ARID2: variants seen among roughly 807,000 people sequenced by gnomAD.
The protein encoded by ARID2 is AT-rich interaction domain 2, also known as AT-rich interactive domain-containing protein 2.
A neutral mutation model predicts 184.6 loss-of-function variants in ARID2; 32 were observed. The observed-to-expected ratio is 0.17, with a 90% CI of 0.13 to 0.23. The LOEUF is 0.23. Among genes scored for constraint, ARID2 ranks in the 10% least tolerant of loss-of-function variants. The probability of loss-of-function intolerance (pLI) is 1.00; values close to 1 mark genes in which losing one functional copy is unlikely to be tolerated. For missense variants in ARID2, 1,696 were observed against 2,197.6 expected, an observed-to-expected ratio of 0.77 and a Z score of 4.56; for synonymous variants, 836 against 772.6, an observed-to-expected ratio of 1.08 and a Z score of -1.36.
chr12:45,857,059 C>G (rs1294229226), intron 15 of ARID2, among the ~76,000 whole-genome samples: 1 of 151,978 alleles, frequency 6.6e-6, no homozygotes. Context: ...TAACATAAGA[C>G]TTGGTTTTTT....
At chr12:45,814,936 A>G (rs1459210531) in intron 4 of ARID2, among the ~76,000 whole-genome samples, 1 of 152,212 alleles carries the variant, frequency 6.6e-6, no homozygotes, top group Admixed American at 6.5e-5. Flanking sequence ...TGATCCTAAA[A>G]TCATCACTTT....
chr12:45,901,154 ATTTTTTTTTTTTTTTTTT>A (rs71067909), intron 20 of ARID2, among the ~76,000 whole-genome samples: 10 of 44,966 alleles, frequency 2.2e-4, no homozygotes, highest in African/African-American at 7.0e-4. Context: ...AATTTCCTTA[ATTTTTTTTTTTTTTTTTT>A]TTTTTTTTTT....
chr12:45,885,929 A>G (rs1718089798), intron 16 of ARID2, among the ~76,000 whole-genome samples: 1 of 152,188 alleles, frequency 6.6e-6, no homozygotes, highest in African/African-American at 2.4e-5. Context: ...TTGGGTGGGT[A>G]CACAGCCAAA....
intron 3 of ARID2, among the ~76,000 whole-genome samples, chr12:45,807,641 C>T (rs755014435): frequency 8.6e-5 from 13 of 152,010 alleles, no homozygotes; most frequent in Admixed American, 1.3e-4. Context: ...TTGATTTCTT[C>T]TAAGAAAAAA....
intron 16 of ARID2, among the ~76,000 whole-genome samples, chr12:45,885,855 T>C (rs1361552444): frequency 6.6e-6 from 1 of 152,074 alleles, no homozygotes; most frequent in East Asian, 1.9e-4. Context: ...ATGATTCAGT[T>C]ACCTCCTACT....
chr12:45,838,101 A>G (rs761826620), intron 10 of ARID2, among the ~76,000 whole-genome samples: 1 of 152,208 alleles, frequency 6.6e-6, no homozygotes, highest in Non-Finnish European at 1.5e-5. Flanking sequence ...CAAAACTGCT[A>G]TATCTAACTT....
Position 45,848,988 on chromosome 12 carries a change from T to G in ARID2, c.1715+18T>G. 1.2e-6 allele frequency: 2 copies of G among 1,602,526 alleles called. No individual in the cohort carries two copies. Among genetic ancestry groups the G allele is most frequent in the Non-Finnish European group, 8.5e-7 (1 of 1,174,768 alleles). ...TGTCTTAGGTAGGATCCATAGTTCT[T>G]TAAATAAAGTCCATTTACGTCACTT... On this transcript the variant is annotated intron_variant, in intron 13 of 20. Coordinates refer to ENST00000334344, the MANE Select transcript of ARID2 (RefSeq NM_152641.4).
rs1249662151 is a variant in ARID2 at position 45,905,934 on chromosome 12, TTTTTTC to T, written c.*862_*867del. The T allele has an allele frequency of 1.7e-3, 374 of 223,228 alleles. 3 individuals are homozygous for T. The highest frequency in any genetic ancestry group is 8.9e-3 in the African/African-American group (339 of 38,028). The allele number at this position is 223,228 out of a possible 1,614,324, so 13.8% of individuals were successfully genotyped here. On this transcript the variant is annotated 3_prime_UTR_variant, in exon 21 of 21. Transcript: ENST00000334344. Reference sequence around the variant, plus strand: ...TTTGTGGAACTGTGATTTTTTTTTCTTTTTTCTTTTTTTTTTTCTTTTTTTTTTTGT... The same window carrying T: ...TTTGTGGAACTGTGATTTTTTTTTCTTTTTTTTTTTTCTTTTTTTTTTTGT...
intron 3 of ARID2, among the ~76,000 whole-genome samples, chr12:45,798,078 A>G (rs1309588803): frequency 6.6e-6 from 1 of 152,184 alleles, no homozygotes; most frequent in Non-Finnish European, 1.5e-5. Context: ...TACACCATAT[A>G]CACAGTTGCT....
intron 3 of ARID2, 146 bp from the exon 4 acceptor site, chr12:45,811,272 T>G: frequency 1.2e-6 from 1 of 802,688 alleles, no homozygotes; most frequent in Non-Finnish European, 1.8e-6. Context: ...TAAACTGGAG[T>G]TACTGTTCTA....
intron 3 of ARID2, among the ~76,000 whole-genome samples, chr12:45,768,384 G>C (rs1437023491): frequency 1.3e-5 from 2 of 152,130 alleles, no homozygotes; most frequent in Admixed American, 6.5e-5. Context: ...TCCACATTGG[G>C]AGAGGCAAGT....
At chr12:45,847,348 T>C (rs1296720807) in intron 12 of ARID2, among the ~76,000 whole-genome samples, 1 of 152,098 alleles carries the variant, frequency 6.6e-6, no homozygotes, top group Non-Finnish European at 1.5e-5. Context: ...AAAATGTCTC[T>C]TCTCTTCCAT....
intron 16 of ARID2, among the ~76,000 whole-genome samples, chr12:45,867,133 T>C (rs981647562): frequency 6.6e-6 from 1 of 152,026 alleles, no homozygotes; most frequent in African/African-American, 2.4e-5. Flanking sequence ...GTATTTTTAG[T>C]AGAGATGGCA....
At chr12:45,888,868 T>G (rs775870704) in intron 16 of ARID2, among the ~76,000 whole-genome samples, 4 of 152,156 alleles carry the variant, frequency 2.6e-5, no homozygotes, top group African/African-American at 7.2e-5. Context: ...GGCAATAAAG[T>G]ATCTTAAGGA....
intron 3 of ARID2, among the ~76,000 whole-genome samples, chr12:45,778,171 G>A (rs1026375212): frequency 3.3e-5 from 5 of 151,904 alleles, no homozygotes; most frequent in Non-Finnish European, 7.4e-5. Context: ...GCGCCATTGC[G>A]CTCCAGCCTG....
chr12:45,825,565 G>A (rs1489766079), intron 6 of ARID2, among the ~76,000 whole-genome samples: 2 of 152,088 alleles, frequency 1.3e-5, no homozygotes, highest in Non-Finnish European at 2.9e-5. Flanking sequence ...TTCTTTAGCA[G>A]TCTATTTTAA....
In ARID2 at chr12:45,860,937, A is replaced by T. The variant is rs1423999658; in HGVS notation, c.4910A>T (p.Gln1637Leu). ...KPGQNFMCLW[Q>L]SCKKWFQTPS... is the part of the protein sequence containing the mutation. ...GGACAGAACTTCATGTGTCTGTGGC[A>T]GTCTTGTAAAAAGTAAATGGCAATT... The change falls in exon 16 of 21, where the codon CAG becomes CTG. Residue 1637 changes from glutamine (Q) to leucine (L), a missense_variant. By Grantham distance (113) the Gln-to-Leu change is moderately radical (BLOSUM62 -2). Coordinates refer to ENST00000334344, the MANE Select transcript of ARID2 (RefSeq NM_152641.4). 6.4e-7 allele frequency: 1 copy of T among 1,567,270 alleles called. No individual in the cohort carries two copies. The highest frequency in any genetic ancestry group is 1.4e-5 in the African/African-American group (1 of 72,852).
chr12:45,788,472 A>G (rs1942236058), intron 3 of ARID2, among the ~76,000 whole-genome samples: 1 of 152,180 alleles, frequency 6.6e-6, no homozygotes, highest in Non-Finnish European at 1.5e-5. Flanking sequence ...ATGTATCTTT[A>G]TTTTATAAAG....
intron 3 of ARID2, among the ~76,000 whole-genome samples, chr12:45,807,126 C>T (rs1448643952): frequency 6.6e-6 from 1 of 152,018 alleles, no homozygotes; most frequent in Non-Finnish European, 1.5e-5. Flanking sequence ...CTTGTGAATC[C>T]TTGAAGTTGC....
Sources: allele counts gnomAD v4.1 joint callset (sites outside exome capture counted in the v4.1 genomes callset), GRCh38; gene constraint gnomAD v4.1.1; transcripts MANE v1.5; gene names NCBI Gene and HGNC (gene_info 2026-07-23, HGNC 2026-07-21).